The following MAVS variants were observed in gnomAD, a reference collection of about 807,000 sequenced individuals.
MAVS encodes mitochondrial antiviral signaling protein, also known as mitochondrial antiviral-signaling protein.
In MAVS, 20 loss-of-function variants were observed where a neutral mutation model predicts 30.2. The ratio of observed to expected loss-of-function variants is 0.66; its 90% confidence interval spans 0.47 to 0.96. MAVS has a LOEUF of 0.96. Among genes scored for constraint, MAVS ranks in the 40% least tolerant of loss-of-function variants. The pLI is 0.00. For synonymous variants in MAVS, 278 were observed against 293.9 expected, an observed-to-expected ratio of 0.95 and a Z score of 0.55; for missense variants, 624 against 701.1, an observed-to-expected ratio of 0.89 and a Z score of 1.24.
At chr20:3,854,892 T>G (rs2089796298) in intron 2 of MAVS, 151 bp downstream of exon 2, 1 of 113,608 alleles carries the variant, frequency 8.8e-6, no homozygotes, top group South Asian at 1.6e-4. Flanking sequence ...GCTGCTTTTC[T>G]TTTTTTTTTT....
At chr20:3,852,021 A>G (rs1356117044) in intron 1 of MAVS, among the ~76,000 whole-genome samples, 10 of 126,104 alleles carry the variant, frequency 7.9e-5, no homozygotes, top group Non-Finnish European at 1.4e-4. Flanking sequence ...CCGAGACGGA[A>G]TCTGGCTCTG....
intron 3 of MAVS, among the ~76,000 whole-genome samples, chr20:3,860,598 C>T (rs947439951): frequency 1.3e-5 from 2 of 151,682 alleles, no homozygotes; most frequent in African/African-American, 4.9e-5. Flanking sequence ...TGGTCTCGAA[C>T]TCACGACCTC....
rs148613152 is a variant in MAVS at position 3,864,833 on chromosome 20, G to T, written c.1158+45G>T. 5.5e-4 allele frequency: 876 copies of T among 1,588,838 alleles called. 7 individuals carry two copies. In the African/African-American group the frequency reaches 9.6e-3, roughly 17 times the overall value. ...GGCAGGGATCCTGGCCCCTTCCCCC[G>T]GGACAGCTTGCCCACCTGGCCCTGG... is the stretch of plus-strand genomic sequence containing the variant. On this transcript the variant is annotated intron_variant, in intron 6 of 6. Transcript: ENST00000428216.
rs2089890472 is a variant in MAVS at position 3,864,489 on chromosome 20, G to A, written c.859G>A (p.Ala287Thr). Residue 287 changes from alanine (A) to threonine (T), a missense_variant, in exon 6 of 7, where the codon GCA (alanine) becomes ACA (threonine). Ala to Thr is a moderately conservative substitution (Grantham distance 58, BLOSUM62 0). Coordinates refer to ENST00000428216, the MANE Select transcript of MAVS (RefSeq NM_020746.5). ...QAEPIICSSG[A>T]EAPANSLPSK... ...CGAGCCTATCATCTGCTCCAGTGGG[G>A]CAGAGGCACCTGCCAACTCTCTGCC... The A allele has an allele frequency of 6.2e-7, 1 of 1,613,894 alleles. No homozygotes were observed.
At chr20:3,851,541 T>A (rs2089759992) in intron 1 of MAVS, among the ~76,000 whole-genome samples, 1 of 149,866 alleles carries the variant, frequency 6.7e-6, no homozygotes, top group African/African-American at 2.5e-5. Context: ...TAAGGCTGAA[T>A]TACCGTACTG....
In MAVS at chr20:3,861,446, A is replaced by AG; in HGVS notation, c.409dup (p.Glu137GlyfsTer47). 1 of 1,614,088 alleles carries AG rather than the reference A, an allele frequency of 6.2e-7. No individual in the cohort carries two copies. Among genetic ancestry groups the AG allele is most frequent in the Admixed American group, 1.7e-5 (1 of 60,010 alleles). ...ATCCCCTACAACAGCTGCAGAGAGA[A>AG]GGAGCCAAGTTACCCCATGCCTGTC... On this transcript the variant is annotated frameshift_variant, in exon 4 of 7. Transcript: ENST00000428216. LOFTEE classifies it high-confidence loss of function.
chr20:3,873,265 G>T lies in MAVS; in HGVS notation c.*7118G>T, dbSNP rs2089968494. The T allele has an allele frequency of 6.6e-6, 1 of 152,082 alleles. No homozygotes were observed. Among genetic ancestry groups the T allele is most frequent in the Admixed American group, 6.6e-5 (1 of 15,248 alleles). 9.4% of individuals were successfully genotyped at this position (152,082 alleles called of 1,614,324 possible). ...GGGGCCTTTGGGGCTGGGTATGGTG[G>T]CTCATGACTGTAATCCCAGCACTTT... On this transcript the variant is annotated 3_prime_UTR_variant, in exon 7 of 7. Transcript: ENST00000428216.
At position 3,867,035 on chromosome 20, in the gene MAVS, A is replaced by G. The variant is rs1356988350; in HGVS notation, c.*888A>G. 2 of 456,604 alleles carry G rather than the reference A, an allele frequency of 4.4e-6. No individual in the cohort carries two copies. The highest frequency in any genetic ancestry group is 2.0e-5 in the African/African-American group (1 of 50,068). The allele number at this position is 456,604 out of a possible 1,614,324, so 28.3% of individuals were successfully genotyped here. ...ACTGGGTTCTTCTGAGATTGAACCT[A>G]CAGGTGTTTGCCAAGTGCCTGGCCC... On this transcript the variant is annotated 3_prime_UTR_variant, in exon 7 of 7. Transcript: ENST00000428216.
Position 3,857,744 on chromosome 20 carries a change from T to C in MAVS, c.227T>C (p.Leu76Pro). 8.1e-6 allele frequency: 13 copies of C among 1,614,230 alleles called. No homozygotes were observed. Among genetic ancestry groups the C allele is most frequent in the Non-Finnish European group, 1.1e-5 (13 of 1,180,042 alleles). Residue 76 changes from leucine (L) to proline (P), a missense_variant, in exon 3 of 7, where the codon CTG becomes CCG. Physicochemically the swap from Leu to Pro is moderately conservative, Grantham distance 98. Transcript: ENST00000428216. ...TGGGTGGAGTACTTCATTGCGGCACTGAGGGGCTGTGAGCTAGTTGATCTC... is the reference window on the plus strand; with the variant it reads ...TGGGTGGAGTACTTCATTGCGGCACCGAGGGGCTGTGAGCTAGTTGATCTC... ...PGWVEYFIAA[L>P]RGCELVDLAD... is the part of the protein sequence containing the mutation.
At chr20:3,847,711 C>T (rs1456467701) in intron 1 of MAVS, among the ~76,000 whole-genome samples, 7 of 152,212 alleles carry the variant, frequency 4.6e-5, no homozygotes, top group Admixed American at 1.3e-4. Flanking sequence ...GCCTCCCTCC[C>T]GCCAAGTGAC....
rs1181851677 is a variant in MAVS at position 3,875,382 on chromosome 20, T to A, written c.*9235T>A. On this transcript the variant is annotated 3_prime_UTR_variant, in exon 7 of 7. Coordinates refer to ENST00000428216, the MANE Select transcript of MAVS (RefSeq NM_020746.5). ...GTAAGCTATGATCTCACCACTGTAC[T>A]CCAGCCTGGGTGACAGAGCGAGACC... The A allele has an allele frequency of 6.6e-6, 1 of 151,504 alleles. No homozygotes were observed. Among genetic ancestry groups the A allele is most frequent in the Non-Finnish European group, 1.5e-5 (1 of 67,916 alleles). The allele number at this position is 151,504 out of a possible 1,614,324, so 9.4% of individuals were successfully genotyped here. A position where few individuals can be genotyped will look rare whatever the true frequency, so the allele number is the denominator to read the frequency against.
rs2089922882 is a variant in MAVS at position 3,868,071 on chromosome 20, G to C, written c.*1924G>C. 6.6e-6 allele frequency: 1 copy of C among 152,290 alleles called. No individual in the cohort carries two copies. The highest frequency in any genetic ancestry group is 2.4e-5 in the African/African-American group (1 of 41,422). The allele number at this position is 152,290 out of a possible 1,614,324, so 9.4% of individuals were successfully genotyped here. A position where few individuals can be genotyped will look rare whatever the true frequency, so the allele number is the denominator to read the frequency against. ...GCTTTTTCACTCCACTGCCCTAGGG[G>C]AGTTCAGCAACCTAATGATCTCTAT... On this transcript the variant is annotated 3_prime_UTR_variant, in exon 7 of 7. Transcript: ENST00000428216.
In MAVS at chr20:3,871,291, C is replaced by A. The variant is rs1347940219; in HGVS notation, c.*5144C>A. Reference sequence around the variant, plus strand: ...AGGCCCTCTCTTTGCTCCCAGACAGCATGAAGTAACAATGAGGCATCCACC... The same window carrying A: ...AGGCCCTCTCTTTGCTCCCAGACAGAATGAAGTAACAATGAGGCATCCACC... On this transcript the variant is annotated 3_prime_UTR_variant, in exon 7 of 7. Transcript: ENST00000428216. 1 of 153,900 alleles carries A rather than the reference C, an allele frequency of 6.5e-6. No homozygotes were observed. Among genetic ancestry groups the A allele is most frequent in the East Asian group, 1.9e-4 (1 of 5,330 alleles). 9.5% of individuals were successfully genotyped at this position (153,900 alleles called of 1,614,324 possible). A position where few individuals can be genotyped will look rare whatever the true frequency, so the allele number is the denominator to read the frequency against.
chr20:3,857,623 TG>T lies in MAVS; in HGVS notation c.118-11del. On this transcript the variant is annotated splice_polypyrimidine_tract_variant and intron_variant, in intron 2 of 6. Coordinates refer to ENST00000428216, the MANE Select transcript of MAVS (RefSeq NM_020746.5). ...CCTGGCTTGAGCAGGACAGTGGCAT[TG>T]TGTCTTCCAGGATCGACTGCGGGCC... is the stretch of plus-strand genomic sequence containing the variant. 1 of 1,602,994 alleles carries T rather than the reference TG, an allele frequency of 6.2e-7. No individual in the cohort carries two copies. The highest frequency in any genetic ancestry group is 1.3e-5 in the African/African-American group (1 of 74,920).
At position 3,848,250 on chromosome 20, in the gene MAVS, C is replaced by T. The variant is rs962809257; in HGVS notation, c.-68+1347C>T. Among the ~76,000 whole-genome samples the T allele has an allele frequency of 5.3e-5, 8 of 152,090 alleles. 1 individual carries two copies. The highest frequency in any genetic ancestry group is 2.1e-4 in the South Asian group (1 of 4,814). On this transcript the variant is annotated intron_variant, in intron 1 of 6. Coordinates refer to ENST00000428216, the MANE Select transcript of MAVS (RefSeq NM_020746.5). ...AGTAGCTGGGACTACAGGTGTGTGC[C>T]ACCATGCCTGGCTAATTTTTGCATT... is the stretch of plus-strand genomic sequence containing the variant.
chr20:3,849,799 C>T (rs186230846), intron 1 of MAVS, among the ~76,000 whole-genome samples: 7 of 152,278 alleles, frequency 4.6e-5, no homozygotes, highest in Non-Finnish European at 1.5e-5. Flanking sequence ...ATTTACTGAT[C>T]TGTTATTTGT....
intron 2 of MAVS, among the ~76,000 whole-genome samples, chr20:3,856,835 A>G (rs1292659067): frequency 6.6e-6 from 1 of 151,426 alleles, no homozygotes; most frequent in Non-Finnish European, 1.5e-5. Flanking sequence ...GGAGTTCGAG[A>G]CCAGCCTGGC....
Position 3,864,691 on chromosome 20 carries a change from CCCGTGCTGGCAT to C in MAVS, c.1062_1073del (p.Arg355_Met358del). 6.2e-7 allele frequency: 1 copy of C among 1,614,248 alleles called. No individual in the cohort carries two copies. The highest frequency in any genetic ancestry group is 2.2e-5 in the East Asian group (1 of 44,890). ...CCATCCAAATTGCCCATCAACTCAACCCGTGCTGGCATGGTGCCATCCAAAGTGCCTACTAGC... is the reference window on the plus strand; with the variant it reads ...CCATCCAAATTGCCCATCAACTCAACGGTGCCATCCAAAGTGCCTACTAGC... On this transcript the variant is annotated inframe_deletion, in exon 6 of 7. Transcript: ENST00000428216.
At chr20:3,857,035 GAAA>G (rs753537485) in intron 2 of MAVS, among the ~76,000 whole-genome samples, 1 of 84,456 alleles carries the variant, frequency 1.2e-5, no homozygotes, top group Non-Finnish European at 2.5e-5. Flanking sequence ...GACTCCGTCT[GAAA>G]AAAAAAAAAA....
Sources: gnomAD v4.1 joint callset for allele counts (sites outside exome capture counted in the v4.1 genomes callset) on GRCh38, gnomAD v4.1.1 for gene constraint, MANE v1.5 for transcripts, NCBI Gene and HGNC (gene_info 2026-07-23, HGNC 2026-07-21) for gene names.